The following CDH18 variants were observed in gnomAD, a reference collection of about 807,000 sequenced individuals.
The protein encoded by CDH18 is cadherin-18.
A neutral mutation model predicts 67.9 loss-of-function variants in CDH18; 31 were observed. The observed-to-expected ratio is 0.46, with a 90% CI of 0.34 to 0.62. CDH18 has a LOEUF of 0.62. CDH18 is among the 20% of genes least tolerant of loss of function. CDH18 has a pLI of 0.01. For missense variants in CDH18, 890 were observed against 975.5 expected, an observed-to-expected ratio of 0.91 and a Z score of 1.17; for synonymous variants, 362 against 347.2, an observed-to-expected ratio of 1.04 and a Z score of -0.48.
chr5:20,540,647 C>A (rs1757002648), intron 1 of CDH18, among the ~76,000 whole-genome samples: 1 of 152,160 alleles, frequency 6.6e-6, no homozygotes, highest in African/African-American at 2.4e-5. Context: ...ATATTGGTAG[C>A]ACATCCAGAT....
intron 5 of CDH18, among the ~76,000 whole-genome samples, chr5:19,696,249 G>A (rs1156553017): frequency 2.0e-5 from 1 of 50,730 alleles, no homozygotes; most frequent in Non-Finnish European, 5.0e-5. Context: ...GTGTGTGTGT[G>A]TGTGTGTGTG....
At chr5:19,836,555 A>T (rs548132622) in intron 3 of CDH18, among the ~76,000 whole-genome samples, 4 of 152,064 alleles carry the variant, frequency 2.6e-5, no homozygotes, top group African/African-American at 4.8e-5. Context: ...TTCTTTGTAG[A>T]TTCTGGATAT....
chr5:19,728,289 A>C (rs1451982516), intron 4 of CDH18, among the ~76,000 whole-genome samples: 1 of 152,132 alleles, frequency 6.6e-6, no homozygotes, highest in Non-Finnish European at 1.5e-5. Context: ...TAAAAGTTAT[A>C]ATCACAAAAA....
intron 2 of CDH18, among the ~76,000 whole-genome samples, chr5:20,047,779 T>C (rs777244953): frequency 1.3e-4 from 20 of 151,754 alleles, no homozygotes; most frequent in South Asian, 4.1e-4. Context: ...CGTATACTTC[T>C]AATTGGATTT....
intron 3 of CDH18, among the ~76,000 whole-genome samples, chr5:19,811,262 A>G (rs1413702529): frequency 6.6e-6 from 1 of 152,038 alleles, no homozygotes; most frequent in African/African-American, 2.4e-5. Flanking sequence ...AAAGCTCTGA[A>G]CCCCAATACT....
intron 1 of CDH18, among the ~76,000 whole-genome samples, chr5:20,390,753 A>C (rs915165568): frequency 6.6e-6 from 1 of 152,184 alleles, no homozygotes; most frequent in Non-Finnish European, 1.5e-5. Context: ...TCCATCAATG[A>C]TAGACTGGAT....
At chr5:20,413,119 T>C (rs1204035370) in intron 1 of CDH18, among the ~76,000 whole-genome samples, 1 of 152,206 alleles carries the variant, frequency 6.6e-6, no homozygotes, top group African/African-American at 2.4e-5. Context: ...GCTTCATCCA[T>C]GTCCCTACAA....
chr5:19,580,469 T>C lies in CDH18; in HGVS notation c.1000-8637A>G, dbSNP rs937657615. 4.6e-5 allele frequency among the ~76,000 whole-genome samples: 7 copies of C among 151,898 alleles called. No individual in the cohort carries two copies. In the South Asian group the frequency reaches 1.4e-3, roughly 31 times the overall value. On this transcript the variant is annotated intron_variant, in intron 7 of 12. Transcript: ENST00000382275. ...TTCATAGTCATGTATCTAAAATAATTCCTAGCACATGGAATTTGATTAATA... is the reference window on the plus strand; with the variant it reads ...TTCATAGTCATGTATCTAAAATAATCCCTAGCACATGGAATTTGATTAATA...
At chr5:20,493,347 T>A (rs1335438812) in intron 1 of CDH18, among the ~76,000 whole-genome samples, 1 of 52,978 alleles carries the variant, frequency 1.9e-5, no homozygotes, top group Non-Finnish European at 4.4e-5. Flanking sequence ...AGACTCTGTT[T>A]CAGAAAATTA....
intron 2 of CDH18, among the ~76,000 whole-genome samples, chr5:20,237,441 T>TA (rs1221834599): frequency 5.9e-5 from 9 of 151,826 alleles, no homozygotes; most frequent in Non-Finnish European, 1.0e-4. Flanking sequence ...ATTGAAACTA[T>TA]AAAAAAGTAG....
chr5:19,671,202 A>G (rs1580795826), intron 5 of CDH18, among the ~76,000 whole-genome samples: 1 of 152,150 alleles, frequency 6.6e-6, no homozygotes, highest in Admixed American at 6.6e-5. Flanking sequence ...CAGTCAATTA[A>G]GGAGAAAACT....
At chr5:19,923,103 G>C (rs1792686644) in intron 2 of CDH18, among the ~76,000 whole-genome samples, 1 of 152,070 alleles carries the variant, frequency 6.6e-6, no homozygotes, top group Non-Finnish European at 1.5e-5. Context: ...TTTGAGTCCT[G>C]AGACATAATG....
intron 2 of CDH18, among the ~76,000 whole-genome samples, chr5:20,098,404 C>A (rs914169416): frequency 5.3e-5 from 8 of 151,908 alleles, no homozygotes; most frequent in African/African-American, 1.9e-4. Flanking sequence ...AAATCCATCC[C>A]CACTCATGAT....
chr5:20,325,747 C>T (rs1738509757), intron 1 of CDH18, among the ~76,000 whole-genome samples: 1 of 151,980 alleles, frequency 6.6e-6, no homozygotes, highest in East Asian at 1.9e-4. Context: ...CCCTTACAAT[C>T]ATCCTTTCCA....
intron 2 of CDH18, among the ~76,000 whole-genome samples, chr5:20,140,033 G>T (rs1750100259): frequency 6.6e-6 from 1 of 152,108 alleles, no homozygotes; most frequent in African/African-American, 2.4e-5. Flanking sequence ...GTTTATTGTG[G>T]TACTACTCAC....
intron 2 of CDH18, among the ~76,000 whole-genome samples, chr5:19,865,687 G>A (rs1344075614): frequency 1.3e-5 from 2 of 152,042 alleles, no homozygotes; most frequent in Non-Finnish European, 2.9e-5. Flanking sequence ...TCAGGGGTTT[G>A]GGAAATTCAG....
At chr5:20,366,552 C>T (rs1390414149) in intron 1 of CDH18, among the ~76,000 whole-genome samples, 1 of 152,196 alleles carries the variant, frequency 6.6e-6, no homozygotes. Context: ...TGGAGCCAGA[C>T]TGCACGGTTT....
chr5:19,592,189 G>A (rs1350855057), intron 6 of CDH18, among the ~76,000 whole-genome samples: 1 of 151,848 alleles, frequency 6.6e-6, no homozygotes, highest in African/African-American at 2.4e-5. Context: ...TAGACAGATG[G>A]ATAGATAGAC....
intron 1 of CDH18, among the ~76,000 whole-genome samples, chr5:20,557,546 G>T (rs1757971335): frequency 6.6e-6 from 1 of 151,872 alleles, no homozygotes; most frequent in African/African-American, 2.4e-5. Flanking sequence ...TTCAAAATAG[G>T]GAATGGCTAC....
Sources: allele counts gnomAD v4.1 joint callset (sites outside exome capture counted in the v4.1 genomes callset), GRCh38; gene constraint gnomAD v4.1.1; transcripts MANE v1.5; gene names NCBI Gene and HGNC (gene_info 2026-07-23, HGNC 2026-07-21).